Variants in GSAP observed in about 807,000 individuals in gnomAD.
The protein encoded by GSAP is gamma-secretase-activating protein.
A neutral mutation model predicts 131.7 loss-of-function variants in GSAP; 118 were observed. The ratio of observed to expected loss-of-function variants is 0.90; its 90% CI spans 0.77 to 1.04. GSAP has a LOEUF of 1.04. Ranked by LOEUF, GSAP falls within the 50% of genes least tolerant of loss-of-function variation. The pLI is 0.00. For missense variants in GSAP, 1,019 were observed against 1,013.2 expected, an observed-to-expected ratio of 1.01 and a Z score of -0.08; for synonymous variants, 381 against 363.4, an observed-to-expected ratio of 1.05 and a Z score of -0.55.
intron 3 of GSAP, among the ~76,000 whole-genome samples, chr7:77,399,342 A>C (rs1016406736): frequency 6.6e-6 from 1 of 152,218 alleles, no homozygotes; most frequent in Non-Finnish European, 1.5e-5. Flanking sequence ...TGGGTTCAAT[A>C]CATTTGTCAG....
intron 5 of GSAP, among the ~76,000 whole-genome samples, chr7:77,392,559 G>A (rs1381224253): frequency 6.6e-6 from 1 of 152,002 alleles, no homozygotes; most frequent in African/African-American, 2.4e-5. Context: ...AAAAAGAAAA[G>A]ATTATCAGTG....
At chr7:77,353,438 AGTTTT>A (rs1793189887) in intron 17 of GSAP, 129 bp downstream of exon 17, 1 of 592,878 alleles carries the variant, frequency 1.7e-6, no homozygotes. Context: ...ACTCCGATAG[AGTTTT>A]GTTTTTTTTT....
intron 18 of GSAP, among the ~76,000 whole-genome samples, chr7:77,350,259 T>G (rs1792614735): frequency 2.0e-5 from 2 of 98,800 alleles, no homozygotes; most frequent in Non-Finnish European, 3.7e-5. Context: ...AACATCACAC[T>G]CTGGGGACTG....
chr7:77,327,971 A>G (rs984126002), intron 22 of GSAP, among the ~76,000 whole-genome samples: 24 of 152,220 alleles, frequency 1.6e-4, no homozygotes, highest in African/African-American at 5.8e-4. Context: ...CTCATGTGCT[A>G]AGCACTATGT....
At chr7:77,313,983 T>A (rs1361066365) in intron 27 of GSAP, among the ~76,000 whole-genome samples, 1 of 152,180 alleles carries the variant, frequency 6.6e-6, no homozygotes, top group East Asian at 1.9e-4. Flanking sequence ...GACATTTTCT[T>A]GAGAAACAAG....
At chr7:77,377,879 C>T (rs1247609636) in intron 8 of GSAP, among the ~76,000 whole-genome samples, 2 of 152,174 alleles carry the variant, frequency 1.3e-5, no homozygotes, top group Admixed American at 1.3e-4. Context: ...TTGGGCATGC[C>T]TCTCACCTTT....
intron 19 of GSAP, among the ~76,000 whole-genome samples, chr7:77,345,963 T>A (rs4729336): frequency 0.096 from 14,651 of 152,098 alleles, 831 homozygotes; most frequent in South Asian, 0.25. Context: ...CAATGTTACC[T>A]CTGGGCTCTT....
intron 22 of GSAP, 64 bp downstream of exon 22, chr7:77,328,542 G>T: frequency 6.3e-7 from 1 of 1,580,710 alleles, no homozygotes; most frequent in Non-Finnish European, 8.6e-7. Flanking sequence ...GTGGTAGGAA[G>T]AACAGTGCTA....
intron 3 of GSAP, among the ~76,000 whole-genome samples, chr7:77,403,000 G>C (rs189632904): frequency 6.6e-6 from 1 of 152,240 alleles, no homozygotes; most frequent in Admixed American, 6.5e-5. Flanking sequence ...TAAAGGTAAC[G>C]GGGATAAAAC....
In GSAP at chr7:77,329,402, G is replaced by A. The variant is rs776770349; in HGVS notation, c.1675-11C>T. ...TCTTTTTCCTGTTTTCTAGGAGTGAGAACACGTCAGAAATGTGGAAGGTAA... is the reference window on the plus strand; with the variant it reads ...TCTTTTTCCTGTTTTCTAGGAGTGAAAACACGTCAGAAATGTGGAAGGTAA... On this transcript the variant is annotated splice_polypyrimidine_tract_variant and intron_variant, in intron 20 of 30. Coordinates refer to ENST00000257626, the MANE Select transcript of GSAP (RefSeq NM_017439.4). 30 of 1,541,882 alleles carry A rather than the reference G, an allele frequency of 1.9e-5. No homozygotes were observed. In the South Asian group the frequency reaches 3.1e-4, roughly 16 times the overall value.
rs774294682 is a variant in GSAP at position 77,349,355 on chromosome 7, A to G, written c.1541T>C (p.Met514Thr). The change falls in exon 19 of 31, where the codon ATG (methionine) becomes ACG (threonine). Residue 514 changes from methionine (M) to threonine (T), a missense_variant. Coordinates refer to ENST00000257626, the MANE Select transcript of GSAP (RefSeq NM_017439.4). ...TTCTTGCTGTAAGGGACCTACCTTC[A>G]TAAGAGGCAATGCAATGTCTTCTGT... ...LVTEDIALPL[M>T]KVLSFKGYWE... The G allele has an allele frequency of 3.1e-6, 5 of 1,609,832 alleles. No homozygotes were observed. Among genetic ancestry groups the G allele is most frequent in the Admixed American group, 3.3e-5 (2 of 59,988 alleles).
At chr7:77,403,193 A>C (rs1168092606) in intron 3 of GSAP, among the ~76,000 whole-genome samples, 2 of 152,152 alleles carry the variant, frequency 1.3e-5, no homozygotes, top group African/African-American at 4.8e-5. Flanking sequence ...ATTGCACTGA[A>C]AACTTGAGAT....
chr7:77,385,413 G>A (rs965889505), intron 6 of GSAP, among the ~76,000 whole-genome samples: 9 of 152,106 alleles, frequency 5.9e-5, no homozygotes, highest in African/African-American at 1.7e-4. Context: ...ATTTTTGGTA[G>A]ATTTTAATAT....
chr7:77,322,735 T>C (rs1278997440), intron 24 of GSAP, among the ~76,000 whole-genome samples: 1 of 152,124 alleles, frequency 6.6e-6, no homozygotes, highest in Non-Finnish European at 1.5e-5. Flanking sequence ...TACATGAGAA[T>C]ACTAACCTCT....
In GSAP at chr7:77,312,954, C is replaced by A. The variant is rs182550773; in HGVS notation, c.2271+534G>T. ...AGTGTTGATATTCCCTTGTGTTTCT[C>A]ATTCTTCTTTTGACCTAGGAATGTC... On this transcript the variant is annotated intron_variant, in intron 28 of 30. Coordinates refer to ENST00000257626, the MANE Select transcript of GSAP (RefSeq NM_017439.4). Among the ~76,000 whole-genome samples, 6 of 152,270 alleles carry A rather than the reference C, an allele frequency of 3.9e-5. No homozygotes were observed. The East Asian group carries it at 9.6e-4, about 24-fold the overall frequency.
chr7:77,401,593 TAA>T (rs894991177), intron 3 of GSAP, among the ~76,000 whole-genome samples: 2 of 151,948 alleles, frequency 1.3e-5, no homozygotes, highest in African/African-American at 4.8e-5. Flanking sequence ...AAAAAATGGT[TAA>T]AAAAAGTTCT....
Position 77,399,098 on chromosome 7 carries a change from C to A in GSAP, c.244-1683G>T, listed in dbSNP as rs1283624865. Among the ~76,000 whole-genome samples, 6 of 152,160 alleles carry A rather than the reference C, an allele frequency of 3.9e-5. No individual in the cohort carries two copies. In the East Asian group the frequency reaches 5.8e-4, roughly 15 times the overall value. ...ATATAATAATCCAATGAACCTTTTA[C>A]ATAAACCTGTGTGAATTTGTGCAGA... On this transcript the variant is annotated intron_variant, in intron 3 of 30. Transcript: ENST00000257626.
chr7:77,404,300 C>G (rs1801878596), intron 3 of GSAP, among the ~76,000 whole-genome samples: 1 of 152,200 alleles, frequency 6.6e-6, no homozygotes, highest in Non-Finnish European at 1.5e-5. Context: ...TGGAAACTTT[C>G]CTATTGCCAA....
At chr7:77,339,928 A>C (rs1790647291) in intron 19 of GSAP, among the ~76,000 whole-genome samples, 2 of 152,230 alleles carry the variant, frequency 1.3e-5, no homozygotes, top group Non-Finnish European at 2.9e-5. Context: ...GTAAATGTAA[A>C]TTATCCCTTG....
Sources: allele counts gnomAD v4.1 joint callset (sites outside exome capture counted in the v4.1 genomes callset), GRCh38; gene constraint gnomAD v4.1.1; transcripts MANE v1.5; gene names NCBI Gene and HGNC (gene_info 2026-07-23, HGNC 2026-07-21).